The following ATP10D variants were observed in gnomAD, a reference collection of about 807,000 sequenced individuals.
ATP10D encodes the protein phospholipid-transporting ATPase VD.
ATP10D carries 89 observed loss-of-function variants against 144.8 expected under a neutral mutation model. The observed-to-expected ratio is 0.61, with a 90% CI of 0.52 to 0.73. The LOEUF (loss-of-function observed/expected upper bound fraction) is 0.73, where lower values mean the gene tolerates loss of function less well. Ranked by LOEUF, ATP10D falls within the 30% of genes least tolerant of loss-of-function variation. The pLI, the probability that ATP10D is intolerant of heterozygous loss-of-function variation, is 0.00. For synonymous variants in ATP10D, 571 were observed against 615.1 expected (o/e 0.93, Z 1.06); for missense variants, 1,603 against 1,714.8 (o/e 0.93, Z 1.15).
chr4:47,577,587 C>T (rs1433407122), intron 19 of ATP10D, among the ~76,000 whole-genome samples: 1 of 152,142 alleles, frequency 6.6e-6, no homozygotes, highest in Non-Finnish European at 1.5e-5. Flanking sequence ...GTCATTTTTA[C>T]CCTCCAGAAT....
intron 2 of ATP10D, among the ~76,000 whole-genome samples, chr4:47,513,806 T>C (rs1577631097): frequency 2.0e-5 from 3 of 152,220 alleles, no homozygotes; most frequent in African/African-American, 7.2e-5. Context: ...CTTACGTCAG[T>C]ATTTCACTAT....
rs2109486531 is a variant in ATP10D, at chr4:47,591,192, T to C, written c.4092T>C (p.Ala1364=). Residue 1364 remains alanine (A), a synonymous_variant, in exon 23 of 23, where the codon GCT becomes GCC. Coordinates refer to ENST00000273859, the MANE Select transcript of ATP10D (RefSeq NM_020453.4). ...GKMNQVTSKY[A]NQSAGKSGRR... ...TGAATCAAGTGACATCAAAGTATGC[T>C]AACCAATCAGCTGGCAAGTCAGGAA... 2 of 1,613,594 alleles carry C rather than the reference T, an allele frequency of 1.2e-6. No individual in the cohort carries two copies. The highest frequency in any genetic ancestry group is 1.7e-4 in the Middle Eastern group (1 of 6,052).
At chr4:47,526,561 C>A (rs1717255784) in intron 5 of ATP10D, among the ~76,000 whole-genome samples, 1 of 152,088 alleles carries the variant, frequency 6.6e-6, no homozygotes, top group Non-Finnish European at 1.5e-5. Context: ...TGAAAGATAT[C>A]AAACAAGAAA....
chr4:47,517,153 C>T (rs898617665), intron 3 of ATP10D, among the ~76,000 whole-genome samples: 9 of 152,150 alleles, frequency 5.9e-5, no homozygotes, highest in East Asian at 5.8e-4. Context: ...GTGGCTCACA[C>T]GTGTAATCCC....
intron 1 of ATP10D, among the ~76,000 whole-genome samples, chr4:47,505,090 T>G (rs1241393513): frequency 1.3e-5 from 2 of 152,206 alleles, no homozygotes; most frequent in Non-Finnish European, 2.9e-5. Context: ...AATTAATCCT[T>G]AAGACCTCAT....
intron 1 of ATP10D, among the ~76,000 whole-genome samples, chr4:47,492,226 A>C (rs1715117795): frequency 6.6e-6 from 1 of 152,188 alleles, no homozygotes; most frequent in South Asian, 2.1e-4. Flanking sequence ...CATTTTACAG[A>C]TTTGGAAACT....
chr4:47,536,873 C>A lies in ATP10D; in HGVS notation c.1331C>A (p.Thr444Asn). ...YLFSDKTGTL[T>N]ENKMVFRRCS... ...TTTTCCGATAAGACAGGAACCCTCA[C>A]TGAGAATAAGATGGTTTTTCGAAGA... Residue 444 changes from threonine to asparagine, a missense_variant, in exon 9 of 23, where the codon ACT (threonine) becomes AAT (asparagine). Coordinates refer to ENST00000273859, the MANE Select transcript of ATP10D (RefSeq NM_020453.4). 6.2e-7 allele frequency: 1 copy of A among 1,613,364 alleles called. No homozygotes were observed. The highest frequency in any genetic ancestry group is 8.5e-7 in the Non-Finnish European group (1 of 1,179,678).
intron 10 of ATP10D, 80 bp from the exon 11 acceptor site, chr4:47,554,646 T>C: frequency 8.7e-7 from 1 of 1,156,010 alleles, no homozygotes; most frequent in Non-Finnish European, 1.2e-6. Context: ...ATCCTGGCTA[T>C]ACAAGTTATT....
chr4:47,533,913 G>T (rs574310593), intron 5 of ATP10D, among the ~76,000 whole-genome samples: 1 of 152,094 alleles, frequency 6.6e-6, no homozygotes, highest in South Asian at 2.1e-4. Flanking sequence ...ACTTAAATGA[G>T]TCACAACCAC....
chr4:47,538,443 T>C (rs1717957555), intron 9 of ATP10D, among the ~76,000 whole-genome samples: 1 of 152,222 alleles, frequency 6.6e-6, no homozygotes, highest in South Asian at 2.1e-4. Context: ...CTTCTATATG[T>C]GACAAATATT....
chr4:47,558,857 T>C, intron 12 of ATP10D, 66 bp from the exon 13 acceptor site: 4 of 1,320,996 alleles, frequency 3.0e-6, no homozygotes, highest in Non-Finnish European at 4.2e-6. Context: ...ACTACTATTG[T>C]TTTAAAAAGT....
intron 5 of ATP10D, 47 bp from the exon 6 acceptor site, chr4:47,535,462 C>A: frequency 7.1e-7 from 1 of 1,399,562 alleles, no homozygotes; most frequent in South Asian, 1.3e-5. Flanking sequence ...TTTTATATCC[C>A]CACTTTTGCT....
rs1415742048 is a variant in ATP10D at position 47,591,354 on chromosome 4, T to C, written c.4254T>C (p.Ala1418=). The change falls in exon 23 of 23, where the codon GCT becomes GCC. Residue 1418 remains alanine, a synonymous_variant. Coordinates refer to ENST00000273859, the MANE Select transcript of ATP10D (RefSeq NM_020453.4). ...CTGAAACTAAGGCCTTTGAGATGGC[T>C]GGACCCTCCAAAGGTAAAGAAAGCT... ...GYSETKAFEM[A]GPSKGKES is the part of the protein sequence containing the mutation. 6.2e-7 allele frequency: 1 copy of C among 1,610,438 alleles called. No individual in the cohort carries two copies. Among genetic ancestry groups the C allele is most frequent in the South Asian group, 1.1e-5 (1 of 90,696 alleles).
rs1718148405 is a variant in ATP10D at position 47,541,844 on chromosome 4, G to A, written c.1397-4780G>A. ...AAAGACAGATCGGGGATTAAATAAT[G>A]AAGAGAAATAAAGTAGACAATTTGG... On this transcript the variant is annotated intron_variant, in intron 9 of 22. Transcript: ENST00000273859. Among the ~76,000 whole-genome samples, 3 of 152,224 alleles carry A rather than the reference G, an allele frequency of 2.0e-5. No homozygotes were observed. The South Asian group carries it at 6.2e-4, about 32-fold the overall frequency.
chr4:47,513,077 T>TTGACTG (rs1716440775), intron 2 of ATP10D, among the ~76,000 whole-genome samples: 1 of 152,196 alleles, frequency 6.6e-6, no homozygotes, highest in Admixed American at 6.5e-5. Context: ...AGGAAATGAC[T>TTGACTG]TGACTGTGGT....
At chr4:47,502,998 T>C (rs1452678942) in intron 1 of ATP10D, among the ~76,000 whole-genome samples, 6 of 152,066 alleles carry the variant, frequency 3.9e-5, no homozygotes, top group Admixed American at 1.3e-4. Flanking sequence ...GGTCAGGAGT[T>C]TGAGACCAGC....
intron 5 of ATP10D, among the ~76,000 whole-genome samples, chr4:47,529,328 G>A (rs962507441): frequency 2.0e-5 from 3 of 152,116 alleles, no homozygotes; most frequent in Non-Finnish European, 4.4e-5. Flanking sequence ...ATGGTGAGAG[G>A]TAGGGATTTA....
intron 1 of ATP10D, among the ~76,000 whole-genome samples, chr4:47,491,772 G>C (rs932459989): frequency 6.6e-6 from 1 of 152,050 alleles, no homozygotes; most frequent in Non-Finnish European, 1.5e-5. Flanking sequence ...TTCTAAACCA[G>C]GCTCACTTAT....
chr4:47,540,232 T>C (rs1296981524), intron 9 of ATP10D, among the ~76,000 whole-genome samples: 3 of 152,228 alleles, frequency 2.0e-5, no homozygotes, highest in African/African-American at 7.2e-5. Context: ...TAGGGTTTTC[T>C]GCAAAAGTGT....
Sources: gnomAD v4.1 joint callset for allele counts (sites outside exome capture counted in the v4.1 genomes callset) on GRCh38, gnomAD v4.1.1 for gene constraint, MANE v1.5 for transcripts, NCBI Gene and HGNC (gene_info 2026-07-23, HGNC 2026-07-21) for gene names.